The following AGAP1 variants were observed in gnomAD, a reference collection of about 807,000 sequenced individuals.
AGAP1 encodes the protein ArfGAP with GTPase domain, ankyrin repeat and PH domain 1.
Under a neutral mutation model 105.3 loss-of-function variants are expected in AGAP1, and 29 were observed. The ratio of observed to expected loss-of-function variants is 0.28; its 90% CI spans 0.21 to 0.38. The LOEUF is 0.38. Ranked by LOEUF, AGAP1 falls within the 10% of genes least tolerant of loss-of-function variation. The probability of loss-of-function intolerance (pLI) is 1.00; values close to 1 mark genes in which losing one functional copy is unlikely to be tolerated. For synonymous variants in AGAP1, 509 were observed against 485.9 expected, an observed-to-expected ratio of 1.05 and a Z score of -0.63; for missense variants, 998 against 1,165.1, an observed-to-expected ratio of 0.86 and a Z score of 2.09.
Position 235,726,446 on chromosome 2 carries a change from C to G in AGAP1, c.310+8802C>G, listed in dbSNP as rs555032573. Among the ~76,000 whole-genome samples the G allele has an allele frequency of 2.0e-5, 3 of 152,320 alleles. No individual in the cohort carries two copies. In the East Asian group the frequency reaches 5.8e-4, roughly 29 times the overall value. Reference sequence around the variant, plus strand: ...AAGTTTCACGTATGTAATTACAAATCATTTTTCCTAGAGAAATTTTACCCC... The same window carrying G: ...AAGTTTCACGTATGTAATTACAAATGATTTTTCCTAGAGAAATTTTACCCC... On this transcript the variant is annotated intron_variant, in intron 3 of 17. Transcript: ENST00000304032.
At chr2:235,832,009 G>A (rs1052274653) in intron 9 of AGAP1, among the ~76,000 whole-genome samples, 6 of 152,204 alleles carry the variant, frequency 3.9e-5, no homozygotes, top group Admixed American at 3.9e-4. Flanking sequence ...ATTCTAATGT[G>A]TGTATAGTGG....
intron 1 of AGAP1, chr2:235,669,927 G>A (rs1394597016): frequency 6.7e-6 from 1 of 150,062 alleles, no homozygotes; most frequent in Non-Finnish European, 1.5e-5. Context: ...CGGGCGGCGC[G>A]GCGCACGGGC....
At chr2:235,995,602 G>A (rs2055777266) in intron 13 of AGAP1, among the ~76,000 whole-genome samples, 2 of 152,186 alleles carry the variant, frequency 1.3e-5, no homozygotes, top group Admixed American at 6.5e-5. Flanking sequence ...CACCGTGCAC[G>A]GCAGCCCCAC....
chr2:236,101,751 C>G lies in AGAP1; in HGVS notation c.2115-18441C>G, dbSNP rs552923455. On this transcript the variant is annotated intron_variant, in intron 16 of 17. Transcript: ENST00000304032. This position sits in a 1 kb window ranked among gnomAD's most constrained non-coding sequence, Gnocchi z 4.9. Reference sequence around the variant, plus strand: ...ATGGCGGCTGCACCAGCAGAGCCGCCGTGGGCTTCATGCCACGTTACGCGG... The same window carrying G: ...ATGGCGGCTGCACCAGCAGAGCCGCGGTGGGCTTCATGCCACGTTACGCGG... Among the ~76,000 whole-genome samples the G allele has an allele frequency of 6.6e-6, 1 of 152,228 alleles. No individual in the cohort carries two copies. The highest frequency in any genetic ancestry group is 2.4e-5 in the African/African-American group (1 of 41,456).
intron 6 of AGAP1, among the ~76,000 whole-genome samples, chr2:235,766,694 G>C (rs1954980998): frequency 6.6e-6 from 1 of 152,212 alleles, no homozygotes. Flanking sequence ...TGCCCTGCAT[G>C]TAACTTTACA....
intron 1 of AGAP1, among the ~76,000 whole-genome samples, chr2:235,524,029 C>A (rs1942732517): frequency 6.6e-6 from 1 of 152,244 alleles, no homozygotes; most frequent in Admixed American, 6.5e-5. Flanking sequence ...TTGTGCCCGG[C>A]TTCCCCATCC....
chr2:235,512,095 G>GTGTGAGAGTA (rs142270784), intron 1 of AGAP1, among the ~76,000 whole-genome samples: 2 of 143,538 alleles, frequency 1.4e-5, no homozygotes, highest in African/African-American at 5.2e-5. Context: ...GTGAATGTGT[G>GTGTGAGAGTA]TGTGTGTGAA....
Position 235,992,005 on chromosome 2 carries a change from C to G in AGAP1, c.1645+23382C>G, listed in dbSNP as rs1038674533. Among the ~76,000 whole-genome samples, 2 of 152,240 alleles carry G rather than the reference C, an allele frequency of 1.3e-5. No individual in the cohort carries two copies. Among genetic ancestry groups the G allele is most frequent in the African/African-American group, 4.8e-5 (2 of 41,470 alleles). The stretch of plus-strand genomic sequence containing the variant: ...CAGCCTCACAAATGTCCACATTTCT[C>G]TCTCATCTGTGAAGGCCCGTTGAGA... On this transcript the variant is annotated intron_variant, in intron 13 of 17. Coordinates refer to ENST00000304032, the MANE Select transcript of AGAP1 (RefSeq NM_001037131.3). The surrounding 1 kb of genome is among the most constrained non-coding windows in gnomAD (Gnocchi z 4.8).
intron 9 of AGAP1, among the ~76,000 whole-genome samples, chr2:235,873,584 G>C (rs2049551290): frequency 1.3e-5 from 2 of 152,162 alleles, no homozygotes; most frequent in African/African-American, 4.8e-5. Context: ...CCACAGCTGG[G>C]GAGTCCGGGC....
At chr2:235,857,282 T>C (rs894420723) in intron 9 of AGAP1, among the ~76,000 whole-genome samples, 3 of 152,160 alleles carry the variant, frequency 2.0e-5, no homozygotes, top group Non-Finnish European at 4.4e-5. Context: ...ACACTCCTTA[T>C]GAGAATCTAG....
intron 1 of AGAP1, among the ~76,000 whole-genome samples, chr2:235,686,563 A>ACACC (rs1559350026): frequency 2.1e-5 from 2 of 93,550 alleles, no homozygotes; most frequent in South Asian, 5.6e-4. Context: ...ATATACACAC[A>ACACC]CACACACACA....
In AGAP1 at chr2:236,113,931, C is replaced by A. The variant is rs541661981; in HGVS notation, c.2115-6261C>A. On this transcript the variant is annotated intron_variant, in intron 16 of 17. Transcript: ENST00000304032. This position sits in a 1 kb window ranked among gnomAD's most constrained non-coding sequence, Gnocchi z 4.3. ...AAGCAAATATAAAATACGATGGCGC[C>A]TGAAATGTACCTTTTCTTTTTATTT... 3.9e-5 allele frequency among the ~76,000 whole-genome samples: 6 copies of A among 152,256 alleles called. No homozygotes were observed. The highest frequency in any genetic ancestry group is 2.6e-4 in the Admixed American group (4 of 15,290).
chr2:235,834,009 G>A (rs1478927403), intron 9 of AGAP1, among the ~76,000 whole-genome samples: 2 of 150,362 alleles, frequency 1.3e-5, no homozygotes, highest in African/African-American at 4.9e-5. Flanking sequence ...GTATTGACAT[G>A]TTAACTGTCA....
intron 3 of AGAP1, 82 bp downstream of exon 3, chr2:235,717,726 T>C: frequency 8.5e-7 from 1 of 1,177,614 alleles, no homozygotes; most frequent in South Asian, 1.4e-5. Flanking sequence ...ATCATGACTT[T>C]GATGTATCAC....
Position 235,733,652 on chromosome 2 carries a change from C to G in AGAP1, c.311-7311C>G, listed in dbSNP as rs1332589058. On this transcript the variant is annotated intron_variant, in intron 3 of 17. Coordinates refer to ENST00000304032, the MANE Select transcript of AGAP1 (RefSeq NM_001037131.3). This position sits in a 1 kb window ranked among gnomAD's most constrained non-coding sequence, Gnocchi z 5.0. ...TGTTCCTTTTGTACCTTACTTAGATCTCGGTTAAATGAAACCATGAGAGAC... is the reference window on the plus strand; with the variant it reads ...TGTTCCTTTTGTACCTTACTTAGATGTCGGTTAAATGAAACCATGAGAGAC... Among the ~76,000 whole-genome samples the G allele has an allele frequency of 6.6e-6, 1 of 152,054 alleles. No individual in the cohort carries two copies. Among genetic ancestry groups the G allele is most frequent in the Non-Finnish European group, 1.5e-5 (1 of 68,020 alleles).
chr2:235,494,680 C>G lies in AGAP1; in HGVS notation c.-7C>G, dbSNP rs1941229634. The G allele has an allele frequency of 1.4e-6, 2 of 1,463,450 alleles. No homozygotes were observed. Among genetic ancestry groups the G allele is most frequent in the Non-Finnish European group, 1.8e-6 (2 of 1,095,970 alleles). The allele number at this position is 1,463,450 out of a possible 1,614,324, so 90.7% of individuals were successfully genotyped here. A position where few individuals can be genotyped will look rare whatever the true frequency, so the allele number is the denominator to read the frequency against. On this transcript the variant is annotated 5_prime_UTR_variant, in exon 1 of 18. Coordinates refer to ENST00000304032, the MANE Select transcript of AGAP1 (RefSeq NM_001037131.3). The stretch of plus-strand genomic sequence containing the variant: ...GGGCGCGCGGCTCCGGGCGCGGCGC[C>G]TGCACCATGAACTACCAGCAGCAGC...
rs566110942 is a variant in AGAP1, at chr2:235,905,156, T to C, written c.1156-3582T>C. Among the ~76,000 whole-genome samples the C allele has an allele frequency of 6.6e-6, 1 of 152,276 alleles. No individual in the cohort carries two copies. Among genetic ancestry groups the C allele is most frequent in the East Asian group, 1.9e-4 (1 of 5,170 alleles). On this transcript the variant is annotated intron_variant, in intron 10 of 17. Coordinates refer to ENST00000304032, the MANE Select transcript of AGAP1 (RefSeq NM_001037131.3). This position sits in a 1 kb window ranked among gnomAD's most constrained non-coding sequence, Gnocchi z 4.2. ...ATAAAATATCGTGGTTATTGTATGTTAAAACATGCCTATTAAAAGAGCCCA... is the reference window on the plus strand; with the variant it reads ...ATAAAATATCGTGGTTATTGTATGTCAAAACATGCCTATTAAAAGAGCCCA...
At chr2:235,522,865 G>A in intron 1 of AGAP1, among the ~76,000 whole-genome samples, 1 of 152,154 alleles carries the variant, frequency 6.6e-6, no homozygotes, top group Non-Finnish European at 1.5e-5. Flanking sequence ...GTGGGCAGAA[G>A]AGGAGAAGGA....
chr2:236,040,839 A>G lies in AGAP1; in HGVS notation c.1889A>G (p.Gln630Arg). 6.2e-7 allele frequency: 1 copy of G among 1,614,178 alleles called. No homozygotes were observed. The highest frequency in any genetic ancestry group is 8.5e-7 in the Non-Finnish European group (1 of 1,180,030). The stretch of plus-strand genomic sequence containing the variant: ...TCCCACTGTGTGGACTGCGAGACCC[A>G]GAGTAAGTGTGTGCGGTGGTAGCAG... ...GNSHCVDCET[Q>R]NPNWASLNLG... The change falls in exon 15 of 18, where the codon CAG becomes CGG. Residue 630 changes from glutamine to arginine, a missense_variant and splice_region_variant. This residue lies in a region of AGAP1 where 28 missense variants were observed against 61.0 expected (regional missense o/e 0.46). Transcript: ENST00000304032. The surrounding 1 kb of genome is among the most constrained non-coding windows in gnomAD (Gnocchi z 5.6).
Sources: gnomAD v4.1 joint callset for allele counts (sites outside exome capture counted in the v4.1 genomes callset) on GRCh38, gnomAD v4.1.1 for gene constraint, gnomAD v4.1.1 regional missense constraint, Gnocchi (gnomAD v3.1) non-coding constraint, MANE v1.5 for transcripts, NCBI Gene and HGNC (gene_info 2026-07-23, HGNC 2026-07-21) for gene names.